The following CBFA2T2 variants were observed in gnomAD, a reference collection of about 807,000 sequenced individuals.
CBFA2T2 encodes the protein CBFA2/RUNX1 partner transcriptional co-repressor 2.
CBFA2T2 carries 11 observed loss-of-function variants against 62.2 expected under a neutral mutation model. That is an observed-to-expected ratio of 0.18 (90% CI 0.11 to 0.29). CBFA2T2 has a LOEUF of 0.29. Among genes scored for constraint, CBFA2T2 ranks in the 10% least tolerant of loss-of-function variants. The pLI is 1.00. For synonymous variants in CBFA2T2, 295 were observed against 287.5 expected (o/e 1.03, Z -0.27); for missense variants, 592 against 774.1 (o/e 0.76, Z 2.79).
At chr20:33,567,480 G>C (rs896346444) in intron 1 of CBFA2T2, among the ~76,000 whole-genome samples, 34 of 152,216 alleles carry the variant, frequency 2.2e-4, no homozygotes, top group African/African-American at 7.5e-4. Context: ...CTGAGAGAGA[G>C]ACCACATTCA....
chr20:33,612,308 A>G (rs1043208512), intron 3 of CBFA2T2, among the ~76,000 whole-genome samples: 1 of 152,182 alleles, frequency 6.6e-6, no homozygotes, highest in African/African-American at 2.4e-5. Flanking sequence ...AATTGAATTT[A>G]CCTCCAATAA....
At chr20:33,537,358 G>A (rs1383484748) in intron 1 of CBFA2T2, among the ~76,000 whole-genome samples, 2 of 152,192 alleles carry the variant, frequency 1.3e-5, no homozygotes, top group East Asian at 1.9e-4. Flanking sequence ...GTGGCAGCGC[G>A]CGCCTGCAAT....
intron 1 of CBFA2T2, among the ~76,000 whole-genome samples, chr20:33,507,278 T>C (rs1359947425): frequency 6.6e-6 from 1 of 152,216 alleles, no homozygotes; most frequent in Non-Finnish European, 1.5e-5. Context: ...CCTGGAGGAC[T>C]ATGTAGTCCA....
At chr20:33,557,136 T>A (rs2012923548) in intron 1 of CBFA2T2, among the ~76,000 whole-genome samples, 1 of 145,030 alleles carries the variant, frequency 6.9e-6, no homozygotes, top group Admixed American at 7.1e-5. Context: ...TGCCTCAGCC[T>A]CCCAAGTAGC....
chr20:33,537,032 C>T (rs967698237), intron 1 of CBFA2T2, among the ~76,000 whole-genome samples: 7 of 151,848 alleles, frequency 4.6e-5, no homozygotes, highest in East Asian at 1.9e-4. Flanking sequence ...GGGCTCCTCA[C>T]GTCCCAGACG....
Position 33,611,258 on chromosome 20 carries a change from A to T in CBFA2T2, c.343A>T (p.Thr115Ser). 1 of 1,614,132 alleles carries T rather than the reference A, an allele frequency of 6.2e-7. No individual in the cohort carries two copies. Among genetic ancestry groups the T allele is most frequent in the African/African-American group, 1.3e-5 (1 of 75,038 alleles). Reference protein sequence around the residue: ...RQLSKLKRFLTTLQQFGNDIS... With the variant: ...RQLSKLKRFLSTLQQFGNDIS... ...ACTCAGCAAGTTGAAACGCTTTCTT[A>T]CCACTCTGCAACAGTTTGGCAATGA... Residue 115 changes from threonine (T) to serine (S), a missense_variant, in exon 3 of 11, where the codon ACC becomes TCC. By Grantham distance (58) the Thr-to-Ser change is moderately conservative (BLOSUM62 1). This residue lies in a region of CBFA2T2 where 449 missense variants were observed against 551.2 expected (regional missense o/e 0.81). Transcript: ENST00000342704.
intron 1 of CBFA2T2, among the ~76,000 whole-genome samples, chr20:33,540,982 C>G (rs1482743222): frequency 6.6e-6 from 1 of 152,062 alleles, no homozygotes; most frequent in Non-Finnish European, 1.5e-5. Context: ...GAATTTGGCT[C>G]TAATAAGTTA....
At chr20:33,596,922 T>G (rs987639282) in intron 1 of CBFA2T2, among the ~76,000 whole-genome samples, 3 of 148,026 alleles carry the variant, frequency 2.0e-5, no homozygotes, top group Non-Finnish European at 3.0e-5. Flanking sequence ...GACCTCTGTT[T>G]TTTTTTTTTT....
chr20:33,513,552 G>A (rs865932585), intron 1 of CBFA2T2, among the ~76,000 whole-genome samples: 3 of 151,388 alleles, frequency 2.0e-5, no homozygotes, highest in Admixed American at 6.6e-5. Context: ...TAGTAGAGAC[G>A]GGGTTTCACC....
At chr20:33,601,464 C>T (rs1231433150) in intron 1 of CBFA2T2, among the ~76,000 whole-genome samples, 1 of 152,028 alleles carries the variant, frequency 6.6e-6, no homozygotes, top group African/African-American at 2.4e-5. Context: ...AGGGTTTCAC[C>T]CTGTTGGCCA....
chr20:33,590,738 A>G (rs2014581201), intron 1 of CBFA2T2, among the ~76,000 whole-genome samples: 1 of 152,218 alleles, frequency 6.6e-6, no homozygotes, highest in African/African-American at 2.4e-5. Flanking sequence ...ACTCCTGAGC[A>G]TGCAGTTTTG....
In CBFA2T2 at chr20:33,558,158, C is replaced by CT. The variant is rs542686760; in HGVS notation, c.35-48797dup. Among the ~76,000 whole-genome samples the CT allele has an allele frequency of 1.5e-3, 217 of 148,488 alleles. 1 individual carries two copies. Among genetic ancestry groups the CT allele is most frequent in the African/African-American group, 5.2e-3 (208 of 40,104 alleles). ...TCTCTTTTTTTTTTTTTTTGAGACT[C>CT]TGTCTCACTCTCGCTCAGGCTGGAG... On this transcript the variant is annotated intron_variant, in intron 1 of 10. Transcript: ENST00000342704.
Position 33,542,654 on chromosome 20 carries a change from A to T in CBFA2T2, c.34+52353A>T, listed in dbSNP as rs566646600. Among the ~76,000 whole-genome samples, 3 of 152,096 alleles carry T rather than the reference A, an allele frequency of 2.0e-5. No individual in the cohort carries two copies. In the South Asian group the frequency reaches 6.2e-4, roughly 32 times the overall value. On this transcript the variant is annotated intron_variant, in intron 1 of 10. Transcript: ENST00000342704. ...CAGTCTTTGTAGGAACTAACAGAAG[A>T]AGTCTTTCTTACTAAGTCTTTTTTT...
intron 1 of CBFA2T2, among the ~76,000 whole-genome samples, chr20:33,494,273 ATTTTT>A (rs1156307604): frequency 1.4e-4 from 3 of 21,356 alleles, no homozygotes; most frequent in African/African-American, 4.9e-4. Context: ...ATATATATAT[ATTTTT>A]TTTTTTTTTT....
chr20:33,512,582 GTAA>G (rs1414734762), intron 1 of CBFA2T2, among the ~76,000 whole-genome samples: 1 of 152,116 alleles, frequency 6.6e-6, no homozygotes, highest in Non-Finnish European at 1.5e-5. Context: ...TCTTGTGTTA[GTAA>G]TAATAGTCCA....
intron 3 of CBFA2T2, among the ~76,000 whole-genome samples, chr20:33,612,625 A>G (rs948469573): frequency 6.6e-6 from 1 of 152,226 alleles, no homozygotes; most frequent in Non-Finnish European, 1.5e-5. Flanking sequence ...TACTGCATTT[A>G]TTTTGGAAAA....
intron 1 of CBFA2T2, among the ~76,000 whole-genome samples, chr20:33,604,381 C>T (rs2015257589): frequency 6.6e-6 from 1 of 152,002 alleles, no homozygotes; most frequent in South Asian, 2.1e-4. Context: ...GAAAATGAGG[C>T]CTAGAAAGGT....
At chr20:33,617,175 A>G (rs1283636780) in intron 3 of CBFA2T2, among the ~76,000 whole-genome samples, 1 of 152,190 alleles carries the variant, frequency 6.6e-6, no homozygotes, top group East Asian at 1.9e-4. Context: ...TCAAGGTTGC[A>G]GTGAGCTATA....
intron 1 of CBFA2T2, among the ~76,000 whole-genome samples, chr20:33,535,484 G>T (rs1004127892): frequency 6.7e-6 from 1 of 150,336 alleles, no homozygotes; most frequent in African/African-American, 2.4e-5. Context: ...AATTTGAGTT[G>T]AACTGATCTA....
Sources: allele counts gnomAD v4.1 joint callset (sites outside exome capture counted in the v4.1 genomes callset), GRCh38; gene constraint gnomAD v4.1.1; regional missense constraint gnomAD v4.1.1; transcripts MANE v1.5; gene names NCBI Gene and HGNC (gene_info 2026-07-23, HGNC 2026-07-21).